PGR: variants seen among roughly 807,000 people sequenced by gnomAD.
The protein encoded by PGR is progesterone receptor.
A neutral mutation model predicts 76.1 loss-of-function variants in PGR; 25 were observed. The observed-to-expected ratio is 0.33, with a 90% CI of 0.24 to 0.46. The LOEUF (loss-of-function observed/expected upper bound fraction) is 0.46. PGR is among the 20% of genes least tolerant of loss of function. The pLI is 1.00. For missense variants in PGR, 1,172 were observed against 1,225.3 expected (o/e 0.96, Z 0.65); for synonymous variants, 579 against 535.0 (o/e 1.08, Z -1.14).
At chr11:101,046,934 C>A (rs1859908335) in intron 6 of PGR, among the ~76,000 whole-genome samples, 1 of 152,026 alleles carries the variant, frequency 6.6e-6, no homozygotes, top group Middle Eastern at 3.2e-3. Context: ...TAATGCTTAT[C>A]TATTTATTCT....
chr11:101,100,745 T>C (rs1408510448), intron 2 of PGR, among the ~76,000 whole-genome samples: 2 of 152,108 alleles, frequency 1.3e-5, no homozygotes, highest in African/African-American at 2.4e-5. Flanking sequence ...ACCAGGACAT[T>C]TCACAATATC....
chr11:101,045,918 A>G (rs478850), intron 6 of PGR, among the ~76,000 whole-genome samples: 43,282 of 151,860 alleles, frequency 0.29, 6,533 homozygotes, highest in African/African-American at 0.4. Context: ...AGAAATCTCC[A>G]TATGGTGTTC....
intron 2 of PGR, among the ~76,000 whole-genome samples, chr11:101,110,040 A>T (rs1421285575): frequency 2.0e-5 from 3 of 152,186 alleles, no homozygotes; most frequent in African/African-American, 7.2e-5. Flanking sequence ...ATGGTCCACT[A>T]ACTACTTTAA....
At position 101,031,834 on chromosome 11, in the gene PGR, C is replaced by T. The variant is rs1259442528; in HGVS notation, c.*7282G>A. 8.7e-6 allele frequency: 2 copies of T among 228,864 alleles called. No homozygotes were observed. Among genetic ancestry groups the T allele is most frequent in the Non-Finnish European group, 1.7e-5 (2 of 115,410 alleles). The allele number at this position is 228,864 out of a possible 1,614,324, so 14.2% of individuals were successfully genotyped here. Reference sequence around the variant, plus strand: ...ATACCTATGAGTTAGGTGAATTCCTCTCGAGGTTCCAAGAATCTATACAAA... The same window carrying T: ...ATACCTATGAGTTAGGTGAATTCCTTTCGAGGTTCCAAGAATCTATACAAA... On this transcript the variant is annotated 3_prime_UTR_variant, in exon 8 of 8. Coordinates refer to ENST00000325455, the MANE Select transcript of PGR (RefSeq NM_000926.4).
At chr11:101,097,156 G>A (rs926553380) in intron 2 of PGR, among the ~76,000 whole-genome samples, 32 of 152,066 alleles carry the variant, frequency 2.1e-4, no homozygotes, top group African/African-American at 7.7e-4. Context: ...GGGAAAGCAG[G>A]GGGTGAGTTC....
At chr11:101,091,218 A>C (rs897220393) in intron 3 of PGR, among the ~76,000 whole-genome samples, 12 of 152,216 alleles carry the variant, frequency 7.9e-5, no homozygotes, top group African/African-American at 2.9e-4. Flanking sequence ...AAAGTTTTAG[A>C]GATTCTAATA....
At chr11:101,047,127 G>A (rs188654388) in intron 6 of PGR, among the ~76,000 whole-genome samples, 1 of 152,236 alleles carries the variant, frequency 6.6e-6, no homozygotes, top group East Asian at 1.9e-4. Flanking sequence ...TATGTGAGTG[G>A]AAGTTGTATG....
chr11:101,039,734 TGTTGA>T (rs1378159085), intron 7 of PGR, among the ~76,000 whole-genome samples: 1 of 152,028 alleles, frequency 6.6e-6, no homozygotes, highest in Non-Finnish European at 1.5e-5. Flanking sequence ...ATGTGTATAA[TGTTGA>T]AAGTCAAGTA....
chr11:101,062,453 A>T lies in PGR; in HGVS notation c.2206T>A (p.Leu736Met), dbSNP rs755770396. Residue 736 changes from leucine (L) to methionine (M), a missense_variant, in exon 4 of 8, where the codon TTG (leucine) becomes ATG (methionine). By Grantham distance (15) the Leu-to-Met change is conservative. This residue lies in a region of PGR where 166 missense variants were observed against 296.0 expected (regional missense o/e 0.56). Coordinates refer to ENST00000325455, the MANE Select transcript of PGR (RefSeq NM_000926.4). ...LLSVVKWSKS[L>M]PGFRNLHIDD... ...ATATAAAAATTATTATTACCTGGCA[A>T]TGATTTAGACCACTTGACTACTGAA... is the stretch of plus-strand genomic sequence containing the variant. 1 of 1,611,938 alleles carries T rather than the reference A, an allele frequency of 6.2e-7. No homozygotes were observed. Among genetic ancestry groups the T allele is most frequent in the East Asian group, 2.2e-5 (1 of 44,850 alleles).
chr11:101,100,759 A>G (rs978639216), intron 2 of PGR, among the ~76,000 whole-genome samples: 1 of 152,146 alleles, frequency 6.6e-6, no homozygotes, highest in Admixed American at 6.5e-5. Flanking sequence ...CAATATCTGG[A>G]GACAATTTTG....
At position 101,038,238 on chromosome 11, in the gene PGR, G is replaced by A. The variant is rs1054070782; in HGVS notation, c.*878C>T. 5 of 195,116 alleles carry A rather than the reference G, an allele frequency of 2.6e-5. No homozygotes were observed. Among genetic ancestry groups the A allele is most frequent in the Non-Finnish European group, 4.3e-5 (4 of 93,910 alleles). The allele number at this position is 195,116 out of a possible 1,614,324, so 12.1% of individuals were successfully genotyped here. On this transcript the variant is annotated 3_prime_UTR_variant, in exon 8 of 8. Transcript: ENST00000325455. Reference sequence around the variant, plus strand: ...AGATGTTAATAAGCTCTGACCCAAAGGAGCAATTGGCAGGAAAGATATTTT... The same window carrying A: ...AGATGTTAATAAGCTCTGACCCAAAAGAGCAATTGGCAGGAAAGATATTTT...
At chr11:101,059,681 A>G (rs1362428127) in intron 4 of PGR, among the ~76,000 whole-genome samples, 5 of 151,748 alleles carry the variant, frequency 3.3e-5, no homozygotes, top group African/African-American at 1.2e-4. Flanking sequence ...TAAAAATAAA[A>G]AAAATTTAGC....
intron 3 of PGR, among the ~76,000 whole-genome samples, chr11:101,074,176 G>A (rs112937830): frequency 2.5e-4 from 38 of 152,060 alleles, no homozygotes; most frequent in African/African-American, 7.7e-4. Flanking sequence ...ATCAACATAC[G>A]CACATTAATA....
At chr11:101,069,323 C>T (rs1432637400) in intron 3 of PGR, among the ~76,000 whole-genome samples, 3 of 152,112 alleles carry the variant, frequency 2.0e-5, no homozygotes, top group Non-Finnish European at 4.4e-5. Context: ...CCATCTCACA[C>T]CAGTTAGAAT....
In PGR at chr11:101,062,707, A is replaced by C; in HGVS notation, c.1952T>G (p.Leu651Arg). 1.2e-6 allele frequency: 2 copies of C among 1,613,858 alleles called. No individual in the cohort carries two copies. Among genetic ancestry groups the C allele is most frequent in the Non-Finnish European group, 1.7e-6 (2 of 1,179,838 alleles). ...KFNKVRVVRA[L>R]DAVALPQPVG... The stretch of plus-strand genomic sequence containing the variant: ...TGGCTGTGGGAGAGCAACAGCATCC[A>C]GTGCTCTCACAACTCTGACTTTATT... The change falls in exon 4 of 8, where the codon CTG becomes CGG. Residue 651 changes from leucine (L) to arginine (R), a missense_variant. By Grantham distance (102) the Leu-to-Arg change is moderately radical (BLOSUM62 -2). Coordinates refer to ENST00000325455, the MANE Select transcript of PGR (RefSeq NM_000926.4).
At position 101,029,834 on chromosome 11, in the gene PGR, T is replaced by C. The variant is rs895569399; in HGVS notation, c.*9282A>G. On this transcript the variant is annotated 3_prime_UTR_variant, in exon 8 of 8. Coordinates refer to ENST00000325455, the MANE Select transcript of PGR (RefSeq NM_000926.4). ...TCTACACTTAGTTTAAAAACAGAGATGGGATTTTGCATATTAGCTTGAAAA... is the reference window on the plus strand; with the variant it reads ...TCTACACTTAGTTTAAAAACAGAGACGGGATTTTGCATATTAGCTTGAAAA... 2 of 220,676 alleles carry C rather than the reference T, an allele frequency of 9.1e-6. No homozygotes were observed. The highest frequency in any genetic ancestry group is 4.5e-5 in the African/African-American group (2 of 44,768). The allele number at this position is 220,676 out of a possible 1,614,324, so 13.7% of individuals were successfully genotyped here. A position where few individuals can be genotyped will look rare whatever the true frequency, so the allele number is the denominator to read the frequency against.
intron 6 of PGR, among the ~76,000 whole-genome samples, chr11:101,042,940 G>T (rs1467597604): frequency 6.6e-6 from 1 of 152,140 alleles, no homozygotes; most frequent in African/African-American, 2.4e-5. Context: ...AAATCTTTTT[G>T]CTGTTGGAGG....
Position 101,034,800 on chromosome 11 carries a change from G to A in PGR, c.*4316C>T, listed in dbSNP as rs1416404838. ...TTGGATTATATTTTATAATATGGGT[G>A]AAGAGTCAGTTGTTTTACTGCTTTT... On this transcript the variant is annotated 3_prime_UTR_variant, in exon 8 of 8. Transcript: ENST00000325455. 1 of 177,716 alleles carries A rather than the reference G, an allele frequency of 5.6e-6. No homozygotes were observed. The highest frequency in any genetic ancestry group is 1.2e-5 in the Non-Finnish European group (1 of 82,702). 11.0% of individuals were successfully genotyped at this position (177,716 alleles called of 1,614,324 possible). A position where few individuals can be genotyped will look rare whatever the true frequency, so the allele number is the denominator to read the frequency against.
At chr11:101,070,878 G>A (rs569988317) in intron 3 of PGR, among the ~76,000 whole-genome samples, 11 of 152,300 alleles carry the variant, frequency 7.2e-5, no homozygotes, top group Non-Finnish European at 1.5e-4. Flanking sequence ...TGGGGGAAGG[G>A]GTGGCTGTGG....
Sources: gnomAD v4.1 joint callset for allele counts (sites outside exome capture counted in the v4.1 genomes callset) on GRCh38, gnomAD v4.1.1 for gene constraint, gnomAD v4.1.1 regional missense constraint, MANE v1.5 for transcripts, NCBI Gene and HGNC (gene_info 2026-07-23, HGNC 2026-07-21) for gene names.